Variants in EXT2 observed in about 807,000 individuals in gnomAD.
EXT2 encodes exostosin-2.
Under a neutral mutation model 81.6 loss-of-function variants are expected in EXT2, and 53 were observed. The ratio of observed to expected loss-of-function variants is 0.65; its 90% CI spans 0.52 to 0.82. The LOEUF (loss-of-function observed/expected upper bound fraction) is 0.82. Among genes scored for constraint, EXT2 ranks in the 40% least tolerant of loss-of-function variants. The pLI, the probability that EXT2 is intolerant of heterozygous loss-of-function variation, is 0.00. For missense variants in EXT2, 774 were observed against 910.2 expected, an observed-to-expected ratio of 0.85 and a Z score of 1.93; for synonymous variants, 320 against 340.0, an observed-to-expected ratio of 0.94 and a Z score of 0.65.
chr11:44,234,297 C>A, intron 12 of EXT2, 54 bp downstream of exon 12: 1 of 1,550,024 alleles, frequency 6.5e-7, no homozygotes, highest in Non-Finnish European at 8.9e-7. Context: ...TATCTATTAT[C>A]TGAGCCTAGG....
At chr11:44,162,264 A>G (rs1954937152) in intron 7 of EXT2, among the ~76,000 whole-genome samples, 3 of 152,170 alleles carry the variant, frequency 2.0e-5, no homozygotes, top group Non-Finnish European at 4.4e-5. Flanking sequence ...TAAAAGTATT[A>G]CAAAATAAAA....
rs149572773 is a variant in EXT2, at chr11:44,098,626, C to G, written c.-31+2774C>G. Reference sequence around the variant, plus strand: ...ACGAGAATCGCTTGAACCCAGGAGGCAGAGGTTGCAGTGAGCCGAGATGAC... The same window carrying G: ...ACGAGAATCGCTTGAACCCAGGAGGGAGAGGTTGCAGTGAGCCGAGATGAC... On this transcript the variant is annotated intron_variant, in intron 1 of 13. Coordinates refer to ENST00000533608, the MANE Select transcript of EXT2 (RefSeq NM_207122.2). Among the ~76,000 whole-genome samples the G allele has an allele frequency of 7.3e-3, 1,075 of 146,666 alleles. 9 individuals carry two copies. The highest frequency in any genetic ancestry group is 0.031 in the East Asian group (156 of 4,998).
chr11:44,133,875 C>T (rs1954528634), intron 7 of EXT2, among the ~76,000 whole-genome samples: 1 of 152,118 alleles, frequency 6.6e-6, no homozygotes, highest in Admixed American at 6.5e-5. Context: ...GGTGAAAGTC[C>T]TTGTTGTGAC....
At chr11:44,186,115 T>C (rs1479619648) in intron 8 of EXT2, among the ~76,000 whole-genome samples, 2 of 152,256 alleles carry the variant, frequency 1.3e-5, no homozygotes, top group African/African-American at 4.8e-5. Flanking sequence ...AGGATGATGA[T>C]TGAAGACCTT....
chr11:44,213,429 T>G (rs993176906), intron 10 of EXT2, among the ~76,000 whole-genome samples: 1 of 152,220 alleles, frequency 6.6e-6, no homozygotes, highest in Non-Finnish European at 1.5e-5. Flanking sequence ...TAGAATTATC[T>G]GGTAAAGATT....
chr11:44,216,840 T>C (rs1365850077), intron 10 of EXT2, among the ~76,000 whole-genome samples: 1 of 151,658 alleles, frequency 6.6e-6, no homozygotes, highest in African/African-American at 2.4e-5. Flanking sequence ...GAGATCTACC[T>C]GGATATTAGC....
At chr11:44,134,680 C>T (rs932416041) in intron 7 of EXT2, among the ~76,000 whole-genome samples, 14 of 152,186 alleles carry the variant, frequency 9.2e-5, no homozygotes, top group Admixed American at 5.9e-4. Context: ...TAGACTGTAT[C>T]GTTAGAAATG....
chr11:44,214,819 G>A (rs1046787458), intron 10 of EXT2, among the ~76,000 whole-genome samples: 2 of 150,568 alleles, frequency 1.3e-5, no homozygotes, highest in East Asian at 2.0e-4. Context: ...AGGTGCAATT[G>A]TAGCTAACTG....
At chr11:44,142,038 T>C (rs1463479407) in intron 7 of EXT2, among the ~76,000 whole-genome samples, 1 of 152,200 alleles carries the variant, frequency 6.6e-6, no homozygotes, top group Non-Finnish European at 1.5e-5. Context: ...CAAATAAGGG[T>C]TAAACTGATT....
intron 7 of EXT2, among the ~76,000 whole-genome samples, chr11:44,136,140 C>T (rs1954562985): frequency 6.6e-6 from 1 of 152,142 alleles, no homozygotes; most frequent in African/African-American, 2.4e-5. Flanking sequence ...GAAACCTTAG[C>T]AACCCAGACT....
At chr11:44,239,127 G>A (rs1476108676) in intron 13 of EXT2, among the ~76,000 whole-genome samples, 1 of 152,102 alleles carries the variant, frequency 6.6e-6, no homozygotes, top group Non-Finnish European at 1.5e-5. Context: ...TTCCCAAAGG[G>A]AGATGTACCT....
intron 8 of EXT2, among the ~76,000 whole-genome samples, chr11:44,182,970 T>C (rs914766646): frequency 3.3e-5 from 5 of 152,198 alleles, no homozygotes; most frequent in Non-Finnish European, 7.4e-5. Context: ...GAAGAGCACA[T>C]GTATTTCTGT....
chr11:44,231,470 TA>T (rs1955897918), intron 10 of EXT2, among the ~76,000 whole-genome samples: 1 of 152,204 alleles, frequency 6.6e-6, no homozygotes, highest in Admixed American at 6.5e-5. Flanking sequence ...CATTCGGGGC[TA>T]AACATAAATT....
chr11:44,209,443 T>C (rs1428855251), intron 10 of EXT2, among the ~76,000 whole-genome samples: 1 of 152,202 alleles, frequency 6.6e-6, no homozygotes, highest in African/African-American at 2.4e-5. Context: ...GAGATTGTTG[T>C]TTTCATTATT....
rs1196369510 is a variant in EXT2, at chr11:44,248,600, G to A, written c.*4313G>A. 1.3e-5 allele frequency among the ~76,000 whole-genome samples: 2 copies of A among 152,234 alleles called. No individual in the cohort carries two copies. Among genetic ancestry groups the A allele is most frequent in the Admixed American group, 6.5e-5 (1 of 15,290 alleles). On this transcript the variant is annotated 3_prime_UTR_variant, in exon 14 of 14. Coordinates refer to ENST00000533608, the MANE Select transcript of EXT2 (RefSeq NM_207122.2). ...TGGCAGAGGAAAGTCAGGCAGGCAA[G>A]ACCCACTCTAAATTTTAATGTTTCC...
intron 7 of EXT2, among the ~76,000 whole-genome samples, chr11:44,162,341 C>T (rs1453811823): frequency 6.6e-6 from 1 of 152,050 alleles, no homozygotes; most frequent in Non-Finnish European, 1.5e-5. Flanking sequence ...TTTGGGGGGC[C>T]GAGGCAGGCA....
chr11:44,218,246 A>G (rs1955741807), intron 10 of EXT2, among the ~76,000 whole-genome samples: 1 of 152,182 alleles, frequency 6.6e-6, no homozygotes. Flanking sequence ...AGAACATAAA[A>G]CCATCTTTGA....
intron 7 of EXT2, among the ~76,000 whole-genome samples, chr11:44,155,341 T>C (rs1257342794): frequency 6.6e-6 from 1 of 152,078 alleles, no homozygotes; most frequent in Non-Finnish European, 1.5e-5. Flanking sequence ...GTTAAGGACT[T>C]ATTCCTGCCA....
chr11:44,121,580 C>T (rs539250309), intron 4 of EXT2, among the ~76,000 whole-genome samples: 25 of 151,996 alleles, frequency 1.6e-4, no homozygotes, highest in African/African-American at 5.6e-4. Flanking sequence ...GCCCCCCTGC[C>T]CCCACACTGC....
Sources: gnomAD v4.1 joint callset for allele counts (sites outside exome capture counted in the v4.1 genomes callset) on GRCh38, gnomAD v4.1.1 for gene constraint, MANE v1.5 for transcripts, NCBI Gene and HGNC (gene_info 2026-07-23, HGNC 2026-07-21) for gene names.